NSUN6: variants seen among roughly 807,000 people sequenced by gnomAD.
NSUN6 encodes tRNA (cytosine(72)-C(5))-methyltransferase NSUN6.
A neutral mutation model predicts 58.0 loss-of-function variants in NSUN6; 64 were observed. The observed-to-expected ratio is 1.10, with a 90% CI of 0.90 to 1.36. The LOEUF (loss-of-function observed/expected upper bound fraction) is 1.36, where lower values mean the gene tolerates loss of function less well. NSUN6 is among the 40% of genes most tolerant of loss of function. The probability of loss-of-function intolerance (pLI) is 0.00; values close to 1 mark genes in which losing one functional copy is unlikely to be tolerated. For missense variants in NSUN6, 701 were observed against 550.1 expected, an observed-to-expected ratio of 1.27 and a Z score of -2.74; for synonymous variants, 231 against 193.9, an observed-to-expected ratio of 1.19 and a Z score of -1.59.
intron 8 of NSUN6, among the ~76,000 whole-genome samples, chr10:18,553,088 A>G (rs2054714099): frequency 6.9e-6 from 1 of 145,444 alleles, no homozygotes; most frequent in Non-Finnish European, 1.5e-5. Context: ...TTCCATCTTC[A>G]GTTCGATTCC....
chr10:18,641,732 A>G (rs1234496641), intron 3 of NSUN6, among the ~76,000 whole-genome samples: 1 of 152,178 alleles, frequency 6.6e-6, no homozygotes, highest in African/African-American at 2.4e-5. Flanking sequence ...CGCGCAGAAC[A>G]TAAATGGGAC....
intron 7 of NSUN6, among the ~76,000 whole-genome samples, chr10:18,595,653 C>T (rs750013806): frequency 2.0e-4 from 30 of 152,178 alleles, no homozygotes; most frequent in Non-Finnish European, 2.9e-5. Context: ...ATGAGTATTA[C>T]ATTCCTCAAA....
chr10:18,560,116 T>C (rs2055375893), intron 8 of NSUN6, among the ~76,000 whole-genome samples: 1 of 139,160 alleles, frequency 7.2e-6, no homozygotes, highest in South Asian at 2.3e-4. Flanking sequence ...GGGAAGGGAA[T>C]GGAATGGAAT....
intron 3 of NSUN6, among the ~76,000 whole-genome samples, chr10:18,619,455 C>A (rs887094846): frequency 3.9e-5 from 6 of 152,052 alleles, no homozygotes; most frequent in African/African-American, 1.2e-4. Flanking sequence ...TTGTTTAAAC[C>A]AAAGACCCTA....
chr10:18,568,156 C>T (rs1410968812), intron 8 of NSUN6, among the ~76,000 whole-genome samples: 1 of 150,986 alleles, frequency 6.6e-6, no homozygotes, highest in Non-Finnish European at 1.5e-5. Context: ...CCATTCCATT[C>T]TCCATTCCAT....
chr10:18,603,080 G>C lies in NSUN6; in HGVS notation c.658-6753C>G, dbSNP rs558860086. Among the ~76,000 whole-genome samples, 217 of 152,186 alleles carry C rather than the reference G, an allele frequency of 1.4e-3. 4 individuals are homozygous for C. The highest frequency in any genetic ancestry group is 1.9e-4 in the Non-Finnish European group (13 of 68,008). The stretch of plus-strand genomic sequence containing the variant: ...AGCCGAGGCAAGCAGATCACTTGAG[G>C]CCAGGAGTTCGAGACCAGCCTGGCC... On this transcript the variant is annotated intron_variant, in intron 6 of 10. Coordinates refer to ENST00000377304, the MANE Select transcript of NSUN6 (RefSeq NM_182543.5).
chr10:18,585,447 C>A (rs1772550809), intron 8 of NSUN6, among the ~76,000 whole-genome samples: 1 of 152,156 alleles, frequency 6.6e-6, no homozygotes, highest in African/African-American at 2.4e-5. Context: ...GGTACATACA[C>A]ACGATGGAAT....
chr10:18,551,291 T>TGTGTGTGG lies in NSUN6; in HGVS notation c.1071+531_1071+532insCCACACAC, dbSNP rs1230236829. On this transcript the variant is annotated intron_variant, in intron 9 of 10. Transcript: ENST00000377304. ...GTGTGTGTGTGTGTGTGTGTGTGTG[T>TGTGTGTGG]GGTAAAATATAAATAACATAAAATT... Among the ~76,000 whole-genome samples, 86 of 148,994 alleles carry TGTGTGTGG rather than the reference T, an allele frequency of 5.8e-4. 1 individual carries two copies. The highest frequency in any genetic ancestry group is 2.1e-3 in the African/African-American group (83 of 40,164).
chr10:18,644,018 CTTA>C (rs2059465854), intron 2 of NSUN6, among the ~76,000 whole-genome samples: 2 of 152,106 alleles, frequency 1.3e-5, no homozygotes, highest in African/African-American at 4.8e-5. Flanking sequence ...TTAAAACAGC[CTTA>C]TTGAGATAAT....
At chr10:18,599,851 G>A (rs1255761236) in intron 6 of NSUN6, among the ~76,000 whole-genome samples, 1 of 152,160 alleles carries the variant, frequency 6.6e-6, no homozygotes, top group Non-Finnish European at 1.5e-5. Flanking sequence ...AACAGTTGCT[G>A]TATTTAACTG....
intron 10 of NSUN6, 37 bp downstream of exon 10, chr10:18,548,075 T>C: frequency 6.2e-7 from 1 of 1,605,864 alleles, no homozygotes; most frequent in East Asian, 2.2e-5. Flanking sequence ...TTCTGTGATT[T>C]ATCTTATTAC....
intron 3 of NSUN6, among the ~76,000 whole-genome samples, chr10:18,622,346 C>T (rs777088536): frequency 1.3e-5 from 2 of 152,138 alleles, no homozygotes; most frequent in Non-Finnish European, 2.9e-5. Flanking sequence ...TGGCACACGT[C>T]GTGGATTTCC....
At chr10:18,582,727 C>G (rs1355104977) in intron 8 of NSUN6, among the ~76,000 whole-genome samples, 4 of 152,106 alleles carry the variant, frequency 2.6e-5, no homozygotes, top group African/African-American at 9.7e-5. Flanking sequence ...ACACAAAGAG[C>G]AGGGAAAGAG....
At chr10:18,629,576 G>GA (rs760321487) in intron 3 of NSUN6, among the ~76,000 whole-genome samples, 31,475 of 119,518 alleles carry the variant, frequency 0.26, 5,114 homozygotes, top group East Asian at 0.67. Flanking sequence ...CAAGCTAATG[G>GA]AAAACAAAAA....
chr10:18,621,124 G>C (rs191468924), intron 3 of NSUN6, among the ~76,000 whole-genome samples: 2 of 152,320 alleles, frequency 1.3e-5, no homozygotes, highest in African/African-American at 4.8e-5. Context: ...ATGATTTATA[G>C]TAAATACCAG....
At chr10:18,647,239 A>G (rs2059571698) in intron 2 of NSUN6, among the ~76,000 whole-genome samples, 2 of 152,200 alleles carry the variant, frequency 1.3e-5, no homozygotes, top group African/African-American at 4.8e-5. Flanking sequence ...AATTTTCTAA[A>G]TAACTAAATA....
intron 2 of NSUN6, 112 bp from the exon 3 acceptor site, chr10:18,642,667 G>C (rs1244521782): frequency 3.5e-6 from 2 of 566,140 alleles, no homozygotes; most frequent in African/African-American, 3.8e-5. Context: ...TAGCTCTGGG[G>C]CATTTTCACC....
At chr10:18,587,230 T>A (rs888149452) in intron 7 of NSUN6, among the ~76,000 whole-genome samples, 1 of 152,172 alleles carries the variant, frequency 6.6e-6, no homozygotes. Flanking sequence ...TGGAACAACA[T>A]GAGCTAATGC....
intron 8 of NSUN6, among the ~76,000 whole-genome samples, chr10:18,562,960 A>G (rs2055647474): frequency 6.6e-6 from 1 of 151,448 alleles, no homozygotes; most frequent in Non-Finnish European, 1.5e-5. Flanking sequence ...AATGGAATGT[A>G]GTGAAAAATG....
Sources: allele counts gnomAD v4.1 joint callset (sites outside exome capture counted in the v4.1 genomes callset), GRCh38; gene constraint gnomAD v4.1.1; transcripts MANE v1.5; gene names NCBI Gene and HGNC (gene_info 2026-07-23, HGNC 2026-07-21).